Variants in TAFA2 observed in about 807,000 individuals in gnomAD.
TAFA2 encodes TAFA chemokine like family member 2, also known as chemokine-like protein TAFA-2.
In TAFA2, 7 loss-of-function variants were observed where a neutral mutation model predicts 18.8. The observed-to-expected ratio is 0.37, with a 90% CI of 0.21 to 0.70. The LOEUF (loss-of-function observed/expected upper bound fraction) is 0.70, where lower values mean the gene tolerates loss of function less well. Among genes scored for constraint, TAFA2 ranks in the 30% least tolerant of loss-of-function variants. TAFA2 has a pLI of 0.53. For missense variants in TAFA2, 122 were observed against 158.1 expected, an observed-to-expected ratio of 0.77 and a Z score of 1.23; for synonymous variants, 60 against 54.2, an observed-to-expected ratio of 1.11 and a Z score of -0.47.
intron 2 of TAFA2, among the ~76,000 whole-genome samples, chr12:61,828,772 C>G (rs1056061855): frequency 1.3e-5 from 2 of 151,700 alleles, no homozygotes; most frequent in African/African-American, 4.8e-5. Context: ...ATGAAGTCAC[C>G]AAATACATAG....
At chr12:61,752,934 A>G (rs1592366100) in intron 4 of TAFA2, among the ~76,000 whole-genome samples, 1 of 152,190 alleles carries the variant, frequency 6.6e-6, no homozygotes, top group East Asian at 1.9e-4. Context: ...TTCTATAAAG[A>G]AAAGAATTCA....
chr12:62,210,950 C>G (rs1296183888), intron 1 of TAFA2, among the ~76,000 whole-genome samples: 1 of 148,764 alleles, frequency 6.7e-6, no homozygotes, highest in Non-Finnish European at 1.5e-5. Context: ...GGTGAAATTG[C>G]TAATATTGTG....
At chr12:61,949,363 C>T (rs1878387749) in intron 1 of TAFA2, among the ~76,000 whole-genome samples, 1 of 152,064 alleles carries the variant, frequency 6.6e-6, no homozygotes, top group Non-Finnish European at 1.5e-5. Flanking sequence ...ATTCCCAGGC[C>T]TTTGGACTCA....
Position 61,861,888 on chromosome 12 carries a change from C to T in TAFA2, c.106+5432G>A, listed in dbSNP as rs189646808. Among the ~76,000 whole-genome samples the T allele has an allele frequency of 2.6e-5, 4 of 152,274 alleles. No individual in the cohort carries two copies. In the East Asian group the frequency reaches 7.7e-4, roughly 29 times the overall value. ...AAAAAGATCCATTCAATCAAAAGTT[C>T]TCACTCAGACCAGTAATTAGCTTGT... On this transcript the variant is annotated intron_variant, in intron 2 of 4. Coordinates refer to ENST00000416284, the MANE Select transcript of TAFA2 (RefSeq NM_178539.5).
chr12:62,144,859 T>C lies in TAFA2; in HGVS notation c.-2+46400A>G, dbSNP rs534118031. Among the ~76,000 whole-genome samples the C allele has an allele frequency of 1.5e-4, 23 of 152,276 alleles. 2 individuals carry two copies. In the South Asian group the frequency reaches 4.6e-3, roughly 30 times the overall value. On this transcript the variant is annotated intron_variant, in intron 1 of 4. Transcript: ENST00000416284. ...CCCATTTCATAAGAAATCGGTCTAG[T>C]AGTTATGCCTCAACCAAATGAACTT...
At chr12:62,011,751 T>TAAAA (rs202026493) in intron 1 of TAFA2, among the ~76,000 whole-genome samples, 2 of 102,886 alleles carry the variant, frequency 1.9e-5, no homozygotes, top group South Asian at 3.2e-4. Context: ...CAATAAATAC[T>TAAAA]AAAAAAAAAA....
intron 2 of TAFA2, among the ~76,000 whole-genome samples, chr12:61,854,094 A>G (rs541434551): frequency 4.6e-5 from 7 of 152,334 alleles, no homozygotes; most frequent in Admixed American, 2.0e-4. Context: ...GGAATTATCA[A>G]TTATTTGAGG....
chr12:62,039,765 C>T (rs1881709190), intron 1 of TAFA2, among the ~76,000 whole-genome samples: 1 of 152,168 alleles, frequency 6.6e-6, no homozygotes, highest in Non-Finnish European at 1.5e-5. Flanking sequence ...ACCATTGTCA[C>T]CAAAGCAGAT....
At position 62,103,753 on chromosome 12, in the gene TAFA2, A is replaced by G. The variant is rs368752077; in HGVS notation, c.-2+87506T>C. 1.1e-4 allele frequency among the ~76,000 whole-genome samples: 16 copies of G among 152,098 alleles called. No individual in the cohort carries two copies. The East Asian group carries it at 2.7e-3, about 26-fold the overall frequency. On this transcript the variant is annotated intron_variant, in intron 1 of 4. Transcript: ENST00000416284. ...TGAAACTCCTTCTCAAAAAGAAAAAAAAAAAAAAGACTACATGCTTCCTCA... is the reference window on the plus strand; with the variant it reads ...TGAAACTCCTTCTCAAAAAGAAAAAGAAAAAAAAGACTACATGCTTCCTCA...
intron 1 of TAFA2, among the ~76,000 whole-genome samples, chr12:62,063,866 A>ACACACG (rs1467556463): frequency 6.6e-6 from 1 of 151,926 alleles, no homozygotes. Flanking sequence ...ACACACACAC[A>ACACACG]CACACACACA....
At chr12:61,768,073 C>T (rs1869865047) in intron 2 of TAFA2, among the ~76,000 whole-genome samples, 1 of 152,218 alleles carries the variant, frequency 6.6e-6, no homozygotes, top group South Asian at 2.1e-4. Context: ...ACTGCCTAGT[C>T]ATTCACACAT....
At position 61,754,757 on chromosome 12, in the gene TAFA2, G is replaced by T. The variant is rs544193474; in HGVS notation, c.259+115C>A. On this transcript the variant is annotated intron_variant, in intron 3 of 4. Transcript: ENST00000416284. ...AATATTCTAGTTTCAACTTATCATG[G>T]TATTTGTAGTATGTTCACCCAGGAT... is the stretch of plus-strand genomic sequence containing the variant. The T allele has an allele frequency of 6.0e-6, 6 of 996,714 alleles. No homozygotes were observed. In the Admixed American group the frequency reaches 1.4e-4, roughly 23 times the overall value. 61.7% of individuals were successfully genotyped at this position (996,714 alleles called of 1,614,324 possible). A position where few individuals can be genotyped will look rare whatever the true frequency, so the allele number is the denominator to read the frequency against.
chr12:62,002,129 T>A (rs770265091), intron 1 of TAFA2, among the ~76,000 whole-genome samples: 1 of 152,188 alleles, frequency 6.6e-6, no homozygotes, highest in Non-Finnish European at 1.5e-5. Context: ...GGAAGGTCAC[T>A]GCAATTAGGT....
intron 1 of TAFA2, among the ~76,000 whole-genome samples, chr12:62,029,381 C>G (rs183677779): frequency 1.3e-5 from 2 of 152,070 alleles, no homozygotes; most frequent in Non-Finnish European, 2.9e-5. Context: ...TTATCAGAAC[C>G]ATTTTATTGA....
At chr12:61,771,492 C>T (rs949119444) in intron 2 of TAFA2, among the ~76,000 whole-genome samples, 2 of 151,870 alleles carry the variant, frequency 1.3e-5, no homozygotes, top group African/African-American at 4.8e-5. Flanking sequence ...CAAAACAAGT[C>T]TCAATAAACT....
At chr12:61,733,126 T>C (rs1868250771) in intron 4 of TAFA2, among the ~76,000 whole-genome samples, 1 of 152,100 alleles carries the variant, frequency 6.6e-6, no homozygotes, top group Admixed American at 6.6e-5. Flanking sequence ...GTTGTTTGTT[T>C]TTTTCTTGTA....
intron 1 of TAFA2, among the ~76,000 whole-genome samples, chr12:61,878,676 C>T (rs1314769572): frequency 6.6e-6 from 1 of 152,176 alleles, no homozygotes; most frequent in Non-Finnish European, 1.5e-5. Flanking sequence ...TGATCACACA[C>T]ATTTTCTTAT....
chr12:61,796,683 T>C (rs1340417365), intron 2 of TAFA2, among the ~76,000 whole-genome samples: 1 of 152,164 alleles, frequency 6.6e-6, no homozygotes, highest in African/African-American at 2.4e-5. Context: ...AAATTACTAT[T>C]AAAATTGTGC....
intron 1 of TAFA2, among the ~76,000 whole-genome samples, chr12:61,916,452 T>C (rs547657761): frequency 6.6e-6 from 1 of 152,248 alleles, no homozygotes; most frequent in East Asian, 1.9e-4. Flanking sequence ...CAGAAAAGGG[T>C]TGATAAATGG....
Sources: allele counts gnomAD v4.1 joint callset (sites outside exome capture counted in the v4.1 genomes callset), GRCh38; gene constraint gnomAD v4.1.1; transcripts MANE v1.5; gene names NCBI Gene and HGNC (gene_info 2026-07-23, HGNC 2026-07-21).